Variants in SPOCK1 observed in about 807,000 individuals in gnomAD.
SPOCK1 encodes testican-1.
A neutral mutation model predicts 55.3 loss-of-function variants in SPOCK1; 23 were observed. The ratio of observed to expected loss-of-function variants is 0.42; its 90% CI spans 0.30 to 0.59. The LOEUF (loss-of-function observed/expected upper bound fraction) is 0.59. SPOCK1 is among the 20% of genes least tolerant of loss of function. The pLI, the probability that SPOCK1 is intolerant of heterozygous loss-of-function variation, is 0.22. For synonymous variants in SPOCK1, 226 were observed against 221.0 expected, an observed-to-expected ratio of 1.02 and a Z score of -0.20; for missense variants, 499 against 552.5, an observed-to-expected ratio of 0.90 and a Z score of 0.97.
rs543417231 is a variant in SPOCK1 at position 137,182,717 on chromosome 5, G to A, written c.233-42023C>T. On this transcript the variant is annotated intron_variant, in intron 3 of 10. Transcript: ENST00000394945. ...TGACCCATCCCTCTGGCCAGCATGG[G>A]GTGTTGGCCTGCTGCAGGTGCTCAG... 4.1e-4 allele frequency among the ~76,000 whole-genome samples: 62 copies of A among 152,286 alleles called. 1 individual carries two copies. The South Asian group carries it at 0.013, about 31-fold the overall frequency.
rs144598851 is a variant in SPOCK1 at position 137,438,750 on chromosome 5, T to C, written c.186+59623A>G. ...TCCAAAAGGAAGGTAGCATCTCTTCTCAGCCAAAATGAACTGGCAGGCAGG... is the reference window on the plus strand; with the variant it reads ...TCCAAAAGGAAGGTAGCATCTCTTCCCAGCCAAAATGAACTGGCAGGCAGG... On this transcript the variant is annotated intron_variant, in intron 2 of 10. Coordinates refer to ENST00000394945, the MANE Select transcript of SPOCK1 (RefSeq NM_004598.4). Among the ~76,000 whole-genome samples, 428 of 152,314 alleles carry C rather than the reference T, an allele frequency of 2.8e-3. 2 individuals are homozygous for C. Among genetic ancestry groups the C allele is most frequent in the African/African-American group, 9.5e-3 (395 of 41,578 alleles).
At position 136,977,920 on chromosome 5, in the gene SPOCK1, T is replaced by A; in HGVS notation, c.*734A>T. The A allele has an allele frequency of 2.6e-6, 1 of 388,502 alleles. No individual in the cohort carries two copies. Among genetic ancestry groups the A allele is most frequent in the Non-Finnish European group, 4.6e-6 (1 of 219,350 alleles). 24.1% of individuals were successfully genotyped at this position (388,502 alleles called of 1,614,324 possible). On this transcript the variant is annotated 3_prime_UTR_variant, in exon 11 of 11. Coordinates refer to ENST00000394945, the MANE Select transcript of SPOCK1 (RefSeq NM_004598.4). ...GAGAAATTTATCATTGTTTTTCGAG[T>A]TTTTAAGATACCCAAACACTTTTTC...
intron 3 of SPOCK1, among the ~76,000 whole-genome samples, chr5:137,150,893 AG>A (rs1754306698): frequency 6.6e-6 from 1 of 152,182 alleles, no homozygotes; most frequent in Admixed American, 6.5e-5. Flanking sequence ...TATGGAACAC[AG>A]CTTCAGTGGA....
At chr5:137,246,209 C>T (rs1460672156) in intron 3 of SPOCK1, among the ~76,000 whole-genome samples, 1 of 152,186 alleles carries the variant, frequency 6.6e-6, no homozygotes, top group Non-Finnish European at 1.5e-5. Flanking sequence ...TCCACTTAAT[C>T]ACTGTGTACC....
intron 2 of SPOCK1, among the ~76,000 whole-genome samples, chr5:137,481,691 T>C (rs1010201163): frequency 5.9e-5 from 9 of 152,220 alleles, no homozygotes; most frequent in Non-Finnish European, 1.3e-4. Context: ...TCAAGGTCTC[T>C]TGTTGGATGA....
At chr5:137,409,291 T>C (rs1326590124) in intron 2 of SPOCK1, among the ~76,000 whole-genome samples, 1 of 152,230 alleles carries the variant, frequency 6.6e-6, no homozygotes, top group Non-Finnish European at 1.5e-5. Context: ...ATAGGAGACA[T>C]AAGCTTCATA....
intron 3 of SPOCK1, among the ~76,000 whole-genome samples, chr5:137,176,788 C>A (rs768860105): frequency 6.6e-6 from 1 of 152,000 alleles, no homozygotes; most frequent in Non-Finnish European, 1.5e-5. Context: ...AGCTAATAAG[C>A]GGTATCTAGT....
intron 6 of SPOCK1, among the ~76,000 whole-genome samples, chr5:137,042,963 G>C (rs1561588939): frequency 1.3e-5 from 2 of 152,106 alleles, no homozygotes; most frequent in Admixed American, 1.3e-4. Context: ...TGAGCACAAT[G>C]AGTGCTAGGA....
chr5:137,498,335 C>A, intron 2 of SPOCK1, 38 bp downstream of exon 2: 1 of 1,541,592 alleles, frequency 6.5e-7, no homozygotes, highest in Non-Finnish European at 8.7e-7. Context: ...CTCCGAGAGG[C>A]TCCGCGCCCC....
chr5:137,142,112 G>A (rs1050152464), intron 3 of SPOCK1, among the ~76,000 whole-genome samples: 8 of 152,194 alleles, frequency 5.3e-5, no homozygotes, highest in African/African-American at 1.9e-4. Flanking sequence ...GTCAGGGGAG[G>A]TGATGTCTCC....
chr5:137,392,481 A>G (rs1168183650), intron 2 of SPOCK1, among the ~76,000 whole-genome samples: 1 of 152,114 alleles, frequency 6.6e-6, no homozygotes. Context: ...ATCTCACTCA[A>G]TGGTATGTGC....
At position 137,119,895 on chromosome 5, in the gene SPOCK1, C is replaced by T. The variant is rs1753655501; in HGVS notation, c.348-7334G>A. Among the ~76,000 whole-genome samples the T allele has an allele frequency of 2.0e-5, 3 of 152,326 alleles. No homozygotes were observed. In the South Asian group the frequency reaches 6.2e-4, roughly 32 times the overall value. On this transcript the variant is annotated intron_variant, in intron 4 of 10. Coordinates refer to ENST00000394945, the MANE Select transcript of SPOCK1 (RefSeq NM_004598.4). ...TCCTTTAACATACCAGGCATTGTTT[C>T]AAGCCCTTTATTTGATCTGTCCATC...
At chr5:137,482,935 T>A (rs897696007) in intron 2 of SPOCK1, among the ~76,000 whole-genome samples, 1 of 152,010 alleles carries the variant, frequency 6.6e-6, no homozygotes, top group Non-Finnish European at 1.5e-5. Context: ...ATAAACAACA[T>A]CTCCCAGTGG....
chr5:137,267,145 A>T, intron 2 of SPOCK1, 90 bp from the exon 3 acceptor site: 1 of 1,071,712 alleles, frequency 9.3e-7, no homozygotes, highest in South Asian at 1.4e-5. Flanking sequence ...TTCACCTCCC[A>T]AAACACAAAG....
intron 2 of SPOCK1, among the ~76,000 whole-genome samples, chr5:137,496,296 TA>T (rs1754297935): frequency 1.3e-5 from 2 of 152,180 alleles, no homozygotes; most frequent in African/African-American, 2.4e-5. Flanking sequence ...TCCAAAGATC[TA>T]AAAATGTCAC....
Position 137,015,066 on chromosome 5 carries a change from G to A in SPOCK1, c.590-22466C>T, listed in dbSNP as rs186959207. ...CCTCATTTTTCTACTTTTGCCAAGA[G>A]GTGGCTTAAGTAGCTGTGGAGAAGA... On this transcript the variant is annotated intron_variant, in intron 6 of 10. Transcript: ENST00000394945. 9.4e-4 allele frequency among the ~76,000 whole-genome samples: 143 copies of A among 152,260 alleles called. 1 individual carries two copies. Among genetic ancestry groups the A allele is most frequent in the African/African-American group, 3.2e-3 (133 of 41,550 alleles).
chr5:137,041,709 A>G (rs978329339), intron 6 of SPOCK1, among the ~76,000 whole-genome samples: 1 of 152,222 alleles, frequency 6.6e-6, no homozygotes, highest in Non-Finnish European at 1.5e-5. Context: ...AAGCTTATGA[A>G]CATCATTTTT....
At chr5:137,012,461 T>C (rs1751369477) in intron 6 of SPOCK1, among the ~76,000 whole-genome samples, 2 of 152,170 alleles carry the variant, frequency 1.3e-5, no homozygotes, top group Admixed American at 6.5e-5. Context: ...TTCCAAGTGA[T>C]AGATTCATTA....
At chr5:137,040,631 T>A (rs912921696) in intron 6 of SPOCK1, among the ~76,000 whole-genome samples, 5 of 152,234 alleles carry the variant, frequency 3.3e-5, no homozygotes, top group African/African-American at 1.2e-4. Context: ...GCTTCTTTTG[T>A]TTCTGTATGG....
Sources: gnomAD v4.1 joint callset for allele counts (sites outside exome capture counted in the v4.1 genomes callset) on GRCh38, gnomAD v4.1.1 for gene constraint, MANE v1.5 for transcripts, NCBI Gene and HGNC (gene_info 2026-07-23, HGNC 2026-07-21) for gene names.